The following HS3ST4 variants were observed in gnomAD, a reference collection of about 807,000 sequenced individuals.
HS3ST4 encodes the protein heparan sulfate glucosamine 3-O-sulfotransferase 4.
Under a neutral mutation model 29.2 loss-of-function variants are expected in HS3ST4, and 17 were observed. The ratio of observed to expected loss-of-function variants is 0.58; its 90% CI spans 0.40 to 0.87. The LOEUF (loss-of-function observed/expected upper bound fraction) is 0.87. HS3ST4 is among the 40% of genes least tolerant of loss of function. The pLI, the probability that HS3ST4 is intolerant of heterozygous loss-of-function variation, is 0.00. For synonymous variants in HS3ST4, 314 were observed against 285.7 expected, an observed-to-expected ratio of 1.10 and a Z score of -1.00; for missense variants, 627 against 634.5, an observed-to-expected ratio of 0.99 and a Z score of 0.13.
intron 1 of HS3ST4, among the ~76,000 whole-genome samples, chr16:25,828,569 G>T (rs999482481): frequency 7.2e-5 from 11 of 151,746 alleles, no homozygotes; most frequent in Non-Finnish European, 1.5e-4. Context: ...TCGATCTCCT[G>T]GGCTCAAGCA....
chr16:25,764,944 AG>A lies in HS3ST4; in HGVS notation c.734+71794del, dbSNP rs1395855916. On this transcript the variant is annotated intron_variant, in intron 1 of 1. Transcript: ENST00000331351. ...CAAGAGGCTACCTTCTGATCCTGCT[AG>A]CCATTTCCTTTACCTGGAAAAAAAG... is the stretch of plus-strand genomic sequence containing the variant. Among the ~76,000 whole-genome samples the A allele has an allele frequency of 7.4e-4, 113 of 152,386 alleles. 1 individual carries two copies. The highest frequency in any genetic ancestry group is 2.7e-3 in the African/African-American group (112 of 41,598).
At chr16:25,785,085 A>G (rs1389209362) in intron 1 of HS3ST4, among the ~76,000 whole-genome samples, 1 of 152,220 alleles carries the variant, frequency 6.6e-6, no homozygotes, top group Non-Finnish European at 1.5e-5. Flanking sequence ...TTGACAGCAT[A>G]TCTGTTTACA....
rs150373580 is a variant in HS3ST4, at chr16:26,052,672, C to G, written c.735-82940C>G. Among the ~76,000 whole-genome samples the G allele has an allele frequency of 1.6e-4, 24 of 152,238 alleles. No homozygotes were observed. The East Asian group carries it at 4.6e-3, about 29-fold the overall frequency. ...AGGCGTGAGCTACCACACCTGATTCCCATGTATACATGTTAAATGAAGATG... is the reference window on the plus strand; with the variant it reads ...AGGCGTGAGCTACCACACCTGATTCGCATGTATACATGTTAAATGAAGATG... On this transcript the variant is annotated intron_variant, in intron 1 of 1. Coordinates refer to ENST00000331351, the MANE Select transcript of HS3ST4 (RefSeq NM_006040.3).
At chr16:25,852,935 C>T (rs1967536243) in intron 1 of HS3ST4, among the ~76,000 whole-genome samples, 1 of 152,060 alleles carries the variant, frequency 6.6e-6, no homozygotes, top group South Asian at 2.1e-4. Context: ...CAAATGTATA[C>T]TCAGTTGTGT....
chr16:26,033,353 T>C, intron 1 of HS3ST4, among the ~76,000 whole-genome samples: 1 of 151,506 alleles, frequency 6.6e-6, no homozygotes, highest in East Asian at 1.9e-4. Context: ...CTGTCTCTAC[T>C]AAAATACAAA....
chr16:25,753,633 C>T (rs747562598), intron 1 of HS3ST4, among the ~76,000 whole-genome samples: 7 of 152,260 alleles, frequency 4.6e-5, no homozygotes, highest in Admixed American at 6.5e-5. Context: ...TATCAAGTAA[C>T]GAGTCCTAGT....
At chr16:26,082,151 G>C (rs1230217241) in intron 1 of HS3ST4, among the ~76,000 whole-genome samples, 1 of 152,148 alleles carries the variant, frequency 6.6e-6, no homozygotes, top group Non-Finnish European at 1.5e-5. Context: ...TTTCGTAGGA[G>C]TTTTACAATA....
chr16:26,067,204 C>A (rs988209151), intron 1 of HS3ST4, among the ~76,000 whole-genome samples: 2 of 152,130 alleles, frequency 1.3e-5, no homozygotes, highest in African/African-American at 4.8e-5. Flanking sequence ...AACGTGCTTC[C>A]TGTGCAAATA....
At chr16:25,988,070 A>AG (rs1234453930) in intron 1 of HS3ST4, among the ~76,000 whole-genome samples, 2 of 152,074 alleles carry the variant, frequency 1.3e-5, no homozygotes, top group Non-Finnish European at 2.9e-5. Flanking sequence ...CTCCTGGCCA[A>AG]GATTGAATTT....
intron 1 of HS3ST4, among the ~76,000 whole-genome samples, chr16:25,804,138 C>T (rs762917997): frequency 3.9e-5 from 6 of 152,066 alleles, no homozygotes; most frequent in Admixed American, 1.3e-4. Flanking sequence ...ATAGATAAGA[C>T]GTGAGAATTC....
chr16:25,997,685 G>C (rs927041669), intron 1 of HS3ST4, among the ~76,000 whole-genome samples: 1 of 152,114 alleles, frequency 6.6e-6, no homozygotes, highest in Non-Finnish European at 1.5e-5. Context: ...AACTTGATTT[G>C]GTGATCATGA....
intron 1 of HS3ST4, among the ~76,000 whole-genome samples, chr16:25,820,038 A>AAAC (rs1967133566): frequency 8.2e-6 from 1 of 122,278 alleles, no homozygotes; most frequent in Non-Finnish European, 1.7e-5. Context: ...AAAAAAAAAA[A>AAAC]AAAAAAAAAA....
At chr16:25,711,949 C>T (rs1966418483) in intron 1 of HS3ST4, among the ~76,000 whole-genome samples, 1 of 152,102 alleles carries the variant, frequency 6.6e-6, no homozygotes, top group African/African-American at 2.4e-5. Context: ...ATTTTTAATA[C>T]TTATAAAGTA....
At chr16:25,701,951 T>C (rs1966337268) in intron 1 of HS3ST4, among the ~76,000 whole-genome samples, 1 of 152,334 alleles carries the variant, frequency 6.6e-6, no homozygotes, top group East Asian at 1.9e-4. Context: ...TGAAAAGATA[T>C]CTTATAAAAA....
At chr16:26,086,510 C>T (rs751685832) in intron 1 of HS3ST4, among the ~76,000 whole-genome samples, 3 of 152,054 alleles carry the variant, frequency 2.0e-5, no homozygotes, top group Non-Finnish European at 4.4e-5. Context: ...CCACCATGCC[C>T]AGCTAATTTT....
chr16:25,721,173 T>A (rs2141589481), intron 1 of HS3ST4, among the ~76,000 whole-genome samples: 1 of 152,208 alleles, frequency 6.6e-6, no homozygotes, highest in Admixed American at 6.5e-5. Context: ...AGGAACAGTG[T>A]GTGCAAAGGC....
intron 1 of HS3ST4, among the ~76,000 whole-genome samples, chr16:25,986,188 A>G (rs545788083): frequency 1.2e-4 from 18 of 152,292 alleles, no homozygotes; most frequent in African/African-American, 4.3e-4. Context: ...AACAAAATGT[A>G]TGGTATACTT....
intron 1 of HS3ST4, among the ~76,000 whole-genome samples, chr16:25,871,164 G>A (rs192211398): frequency 2.6e-5 from 4 of 152,270 alleles, no homozygotes; most frequent in East Asian, 1.9e-4. Context: ...AAAAGGCAGC[G>A]GGGTGATGGA....
At chr16:26,020,666 C>A (rs1275278635) in intron 1 of HS3ST4, among the ~76,000 whole-genome samples, 1 of 152,168 alleles carries the variant, frequency 6.6e-6, no homozygotes, top group Non-Finnish European at 1.5e-5. Flanking sequence ...CTTTGCTACT[C>A]TCAAGGTGTG....
Sources: gnomAD v4.1 joint callset for allele counts (sites outside exome capture counted in the v4.1 genomes callset) on GRCh38, gnomAD v4.1.1 for gene constraint, MANE v1.5 for transcripts, NCBI Gene and HGNC (gene_info 2026-07-23, HGNC 2026-07-21) for gene names.